The following TBC1D19 variants were observed in gnomAD, a reference collection of about 807,000 sequenced individuals.
TBC1D19 encodes the protein TBC1 domain family, member 19.
TBC1D19 carries 60 observed loss-of-function variants against 89.0 expected under a neutral mutation model. That is an observed-to-expected ratio of 0.67 (90% CI 0.55 to 0.84). The LOEUF (loss-of-function observed/expected upper bound fraction) is 0.84, where lower values mean the gene tolerates loss of function less well. Among genes scored for constraint, TBC1D19 ranks in the 40% least tolerant of loss-of-function variants. The pLI is 0.00. For synonymous variants in TBC1D19, 189 were observed against 199.7 expected (o/e 0.95, Z 0.45); for missense variants, 500 against 610.8 (o/e 0.82, Z 1.91).
intron 13 of TBC1D19, among the ~76,000 whole-genome samples, chr4:26,706,761 T>G (rs1470041154): frequency 6.6e-6 from 1 of 152,150 alleles, no homozygotes; most frequent in African/African-American, 2.4e-5. Flanking sequence ...TATTTCTAAT[T>G]TCTCTTATAA....
In TBC1D19 at chr4:26,755,931, A is replaced by G. The variant is rs944044101; in HGVS notation, c.*984A>G. 6.6e-6 allele frequency among the ~76,000 whole-genome samples: 1 copy of G among 152,202 alleles called. No homozygotes were observed. Among genetic ancestry groups the G allele is most frequent in the Admixed American group, 6.5e-5 (1 of 15,286 alleles). ...TTGTATTACTTCCTAAAGACCTACCATTTCTGTAATATGGAATAATAGTAT... is the reference window on the plus strand; with the variant it reads ...TTGTATTACTTCCTAAAGACCTACCGTTTCTGTAATATGGAATAATAGTAT... On this transcript the variant is annotated 3_prime_UTR_variant, in exon 21 of 21. Coordinates refer to ENST00000264866, the MANE Select transcript of TBC1D19 (RefSeq NM_018317.4).
At chr4:26,688,268 TAA>T in intron 12 of TBC1D19, 75 bp from the exon 13 acceptor site, 1 of 1,446,662 alleles carries the variant, frequency 6.9e-7, no homozygotes, top group Non-Finnish European at 9.1e-7. Flanking sequence ...GTAGTGCTTC[TAA>T]ATACATGTGT....
intron 9 of TBC1D19, among the ~76,000 whole-genome samples, chr4:26,669,258 A>T (rs550683624): frequency 1.3e-5 from 2 of 151,960 alleles, no homozygotes; most frequent in African/African-American, 4.8e-5. Flanking sequence ...CACTCATAAG[A>T]TGCCCTGTGA....
At chr4:26,624,705 T>A (rs1742281928) in intron 4 of TBC1D19, among the ~76,000 whole-genome samples, 1 of 152,166 alleles carries the variant, frequency 6.6e-6, no homozygotes, top group Non-Finnish European at 1.5e-5. Flanking sequence ...CACTATTTAT[T>A]TTAAGGATAT....
chr4:26,753,783 T>A (rs777929023), intron 19 of TBC1D19, 37 bp from the exon 20 acceptor site: 2 of 1,612,666 alleles, frequency 1.2e-6, no homozygotes, highest in Admixed American at 1.7e-5. Context: ...GGCTGATGAG[T>A]AGGCCAGCAG....
At chr4:26,808,757 A>G in the TBC1D19 span, among the ~76,000 whole-genome samples, 1 of 151,904 alleles carries the variant, frequency 6.6e-6, no homozygotes, top group Non-Finnish European at 1.5e-5. Context: ...GAAAAAGAAA[A>G]AGAAATTTGT....
At chr4:26,785,203 C>A in the TBC1D19 span, among the ~76,000 whole-genome samples, 1 of 152,140 alleles carries the variant, frequency 6.6e-6, no homozygotes, top group African/African-American at 2.4e-5. Flanking sequence ...CAATCCAATT[C>A]AAAAGTGTCT....
intron 4 of TBC1D19, among the ~76,000 whole-genome samples, chr4:26,633,261 C>T (rs2110064671): frequency 6.6e-6 from 1 of 152,160 alleles, no homozygotes. Flanking sequence ...CCATAGGATG[C>T]TGTATATAAT....
chr4:26,721,376 C>T (rs1487188071), intron 15 of TBC1D19, among the ~76,000 whole-genome samples: 3 of 152,054 alleles, frequency 2.0e-5, no homozygotes, highest in East Asian at 3.9e-4. Flanking sequence ...CTAGATTTCT[C>T]TCCACCTTGT....
intron 17 of TBC1D19, chr4:26,740,870 A>G (rs1718326829): frequency 2.0e-6 from 2 of 985,284 alleles, no homozygotes; most frequent in African/African-American, 1.7e-5. Context: ...ACCTTCCTCC[A>G]TCTCCAGTTT....
chr4:26,819,690 G>A, the TBC1D19 span, among the ~76,000 whole-genome samples: 1 of 152,034 alleles, frequency 6.6e-6, no homozygotes, highest in South Asian at 2.1e-4. Flanking sequence ...TGCCTCCAGG[G>A]GCTTCCCATC....
At chr4:26,754,128 A>G (rs1442771688) in intron 20 of TBC1D19, 1 of 427,816 alleles carries the variant, frequency 2.3e-6, no homozygotes, top group South Asian at 4.1e-5. Flanking sequence ...CATTATAACC[A>G]TATGGGAAAC....
intron 7 of TBC1D19, among the ~76,000 whole-genome samples, chr4:26,646,538 A>G (rs1743971448): frequency 6.6e-6 from 1 of 152,240 alleles, no homozygotes; most frequent in South Asian, 2.1e-4. Context: ...TACTATTCAC[A>G]ATAGCAAAGA....
chr4:26,724,363 A>C (rs1717167209), intron 15 of TBC1D19, among the ~76,000 whole-genome samples: 1 of 152,140 alleles, frequency 6.6e-6, no homozygotes, highest in African/African-American at 2.4e-5. Context: ...TATTGTTGAA[A>C]ATGGAATAAT....
At chr4:26,842,017 G>T in the TBC1D19 span, among the ~76,000 whole-genome samples, 1 of 152,202 alleles carries the variant, frequency 6.6e-6, no homozygotes, top group Non-Finnish European at 1.5e-5. Flanking sequence ...AGAGATCTTG[G>T]AGGAAAGGGA....
chr4:26,632,448 CTTATTAT>C (rs1742860718), intron 4 of TBC1D19, among the ~76,000 whole-genome samples: 1 of 151,510 alleles, frequency 6.6e-6, no homozygotes, highest in African/African-American at 2.4e-5. Context: ...GAAAAATATA[CTTATTAT>C]TTATTAAGTG....
In TBC1D19 at chr4:26,614,408, G is replaced by T; in HGVS notation, c.173G>T (p.Gly58Val). The change falls in exon 3 of 21, where the codon GGT becomes GTT. Residue 58 changes from glycine to valine, a missense_variant and splice_region_variant. Physicochemically the swap from Gly to Val is moderately radical, Grantham distance 109 (BLOSUM62 -3). Coordinates refer to ENST00000264866, the MANE Select transcript of TBC1D19 (RefSeq NM_018317.4). ...ATTTTATTCTTTTTTTAAAAAACAGGTTGGGAGAAGAAACTTCAGAATGCT... is the reference window on the plus strand; with the variant it reads ...ATTTTATTCTTTTTTTAAAAAACAGTTTGGGAGAAGAAACTTCAGAATGCT... ...EDIKEFFKIS[G>V]WEKKLQNAVY... 2 of 1,587,058 alleles carry T rather than the reference G, an allele frequency of 1.3e-6. No homozygotes were observed. The highest frequency in any genetic ancestry group is 8.6e-7 in the Non-Finnish European group (1 of 1,167,260).
chr4:26,642,724 G>A (rs750660251), intron 7 of TBC1D19, among the ~76,000 whole-genome samples: 18 of 152,160 alleles, frequency 1.2e-4, no homozygotes, highest in South Asian at 2.1e-4. Flanking sequence ...AAAATAAAGG[G>A]ATGGAGGAAG....
chr4:26,602,584 G>A (rs961420604), intron 1 of TBC1D19, among the ~76,000 whole-genome samples: 3 of 151,850 alleles, frequency 2.0e-5, no homozygotes, highest in African/African-American at 7.3e-5. Flanking sequence ...GGGACTACAA[G>A]CGCCCGCCAC....
Sources: gnomAD v4.1 joint callset for allele counts (sites outside exome capture counted in the v4.1 genomes callset) on GRCh38, gnomAD v4.1.1 for gene constraint, MANE v1.5 for transcripts, NCBI Gene and HGNC (gene_info 2026-07-23, HGNC 2026-07-21) for gene names.